The following PAX2 variants were observed in gnomAD, a reference collection of about 807,000 sequenced individuals.
The protein encoded by PAX2 is paired box 2.
In PAX2, 9 loss-of-function variants were observed where a neutral mutation model predicts 41.7. The observed-to-expected ratio is 0.22, with a 90% CI of 0.13 to 0.38. PAX2 has a LOEUF of 0.38. Ranked by LOEUF, PAX2 falls within the 10% of genes least tolerant of loss-of-function variation. The pLI is 1.00. For missense variants in PAX2, 418 were observed against 531.6 expected, an observed-to-expected ratio of 0.79 and a Z score of 2.10; for synonymous variants, 221 against 212.7, an observed-to-expected ratio of 1.04 and a Z score of -0.34.
chr10:100,777,487 C>T (rs1001598729), intron 3 of PAX2, among the ~76,000 whole-genome samples: 28 of 148,328 alleles, frequency 1.9e-4, no homozygotes, highest in African/African-American at 6.5e-4. Flanking sequence ...CTCCGCCTCC[C>T]GGGTTCAAGC....
Position 100,746,197 on chromosome 10 carries a change from GA to G in PAX2, c.-62del. 6.2e-7 allele frequency: 1 copy of G among 1,612,054 alleles called. No homozygotes were observed. Among genetic ancestry groups the G allele is most frequent in the Non-Finnish European group, 8.5e-7 (1 of 1,179,398 alleles). On this transcript the variant is annotated 5_prime_UTR_variant, in exon 1 of 10. Transcript: ENST00000355243. ...TCCCTCCCTTTTCTCCTCAAGTCCTGAAGTTGAGTTTGAGAGGCGACACGGC... is the reference window on the plus strand; with the variant it reads ...TCCCTCCCTTTTCTCCTCAAGTCCTGAGTTGAGTTTGAGAGGCGACACGGC...
rs1373204155 is a variant in PAX2 at position 100,791,307 on chromosome 10, C to T, written c.616+9942C>T. Among the ~76,000 whole-genome samples the T allele has an allele frequency of 2.0e-5, 3 of 152,254 alleles. No homozygotes were observed. The highest frequency in any genetic ancestry group is 7.2e-5 in the African/African-American group (3 of 41,534). ...TTACACCTTGCCCTTCTCTTTCTGC[C>T]CCAGGCTTCACCTTTTTCAGGAGGA... On this transcript the variant is annotated intron_variant, in intron 5 of 9. Coordinates refer to ENST00000355243, the MANE Select transcript of PAX2 (RefSeq NM_000278.5). The surrounding 1 kb of genome is among the most constrained non-coding windows in gnomAD (Gnocchi z 4.5).
In PAX2 at chr10:100,757,479, A is replaced by G. The variant is rs148996020; in HGVS notation, c.410+6588A>G. On this transcript the variant is annotated intron_variant, in intron 3 of 9. Coordinates refer to ENST00000355243, the MANE Select transcript of PAX2 (RefSeq NM_000278.5). ...AGAGGGGCTTTGCTACAATGATGCC[A>G]CAAGAGCTGTGCGACCAGCTGTCCA... Among the ~76,000 whole-genome samples, 27 of 152,386 alleles carry G rather than the reference A, an allele frequency of 1.8e-4. No individual in the cohort carries two copies. In the East Asian group the frequency reaches 4.8e-3, roughly 27 times the overall value.
intron 3 of PAX2, among the ~76,000 whole-genome samples, chr10:100,765,944 AT>A (rs1205998889): frequency 1.3e-5 from 2 of 149,444 alleles, no homozygotes; most frequent in African/African-American, 5.1e-5. Flanking sequence ...CATCATCATC[AT>A]CATAGTGGTT....
rs1219057995 is a variant in PAX2 at position 100,791,152 on chromosome 10, C to G, written c.616+9787C>G. On this transcript the variant is annotated intron_variant, in intron 5 of 9. Coordinates refer to ENST00000355243, the MANE Select transcript of PAX2 (RefSeq NM_000278.5). This position sits in a 1 kb window ranked among gnomAD's most constrained non-coding sequence, Gnocchi z 4.5. Reference sequence around the variant, plus strand: ...CCCCATGAAATGTCAGCATCCCCTCCCTCCCTGAGGCTCCGCCTGCCTGCT... The same window carrying G: ...CCCCATGAAATGTCAGCATCCCCTCGCTCCCTGAGGCTCCGCCTGCCTGCT... Among the ~76,000 whole-genome samples, 1 of 152,198 alleles carries G rather than the reference C, an allele frequency of 6.6e-6. No individual in the cohort carries two copies. The highest frequency in any genetic ancestry group is 1.5e-5 in the Non-Finnish European group (1 of 68,032).
chr10:100,765,808 C>A (rs749149977), intron 3 of PAX2, among the ~76,000 whole-genome samples: 3 of 152,014 alleles, frequency 2.0e-5, no homozygotes, highest in Non-Finnish European at 4.4e-5. Flanking sequence ...CACACATACA[C>A]CTCTTAATTT....
At chr10:100,802,621 C>T (rs1847604594) in intron 5 of PAX2, among the ~76,000 whole-genome samples, 2 of 152,192 alleles carry the variant, frequency 1.3e-5, no homozygotes, top group Non-Finnish European at 2.9e-5. Context: ...AGAGGTATGG[C>T]TTTGAATGCC....
In PAX2 at chr10:100,786,878, C is replaced by T. The variant is rs147444324; in HGVS notation, c.616+5513C>T. 3.0e-6 allele frequency: 3 copies of T among 1,012,598 alleles called. No homozygotes were observed. In the African/African-American group the frequency reaches 4.9e-5, roughly 17 times the overall value. 62.7% of individuals were successfully genotyped at this position (1,012,598 alleles called of 1,614,324 possible). On this transcript the variant is annotated intron_variant, in intron 5 of 9. Transcript: ENST00000355243. ...GGTCTCCCGATCTTGGGATCCTGCC[C>T]CCAATCTTCTGCCTGCCTGTCTTTC...
Position 100,748,191 on chromosome 10 carries a change from A to G in PAX2, c.44-1555A>G. ...CCGGGCCCTGAGCCCGGGGAGGCTG[A>G]ATTATTCATCTTTAATCTGCCCGCA... On this transcript the variant is annotated intron_variant, in intron 1 of 9. Coordinates refer to ENST00000355243, the MANE Select transcript of PAX2 (RefSeq NM_000278.5). This position sits in a 1 kb window ranked among gnomAD's most constrained non-coding sequence, Gnocchi z 5.0. 1.0e-6 allele frequency: 1 copy of G among 985,008 alleles called. No individual in the cohort carries two copies. The allele number at this position is 985,008 out of a possible 1,614,324, so 61.0% of individuals were successfully genotyped here. A position where few individuals can be genotyped will look rare whatever the true frequency, so the allele number is the denominator to read the frequency against.
chr10:100,790,618 C>T (rs1228442679), intron 5 of PAX2, among the ~76,000 whole-genome samples: 3 of 152,252 alleles, frequency 2.0e-5, no homozygotes, highest in Non-Finnish European at 2.9e-5. Flanking sequence ...GCCTCTTCCT[C>T]TGCAGACAAG....
chr10:100,812,339 C>G (rs952182193), intron 7 of PAX2, among the ~76,000 whole-genome samples: 1 of 152,262 alleles, frequency 6.6e-6, no homozygotes, highest in Non-Finnish European at 1.5e-5. Flanking sequence ...CATCTCTTCT[C>G]TCCAGCCCAC....
At chr10:100,746,392 C>T in intron 1 of PAX2, 89 bp downstream of exon 1, 1 of 910,596 alleles carries the variant, frequency 1.1e-6, no homozygotes, top group South Asian at 1.3e-5. Flanking sequence ...CCCTCGCGCT[C>T]AGGTCCCATC....
intron 7 of PAX2, among the ~76,000 whole-genome samples, chr10:100,818,724 A>T (rs945559052): frequency 6.6e-6 from 1 of 150,970 alleles, no homozygotes; most frequent in Non-Finnish European, 1.5e-5. Flanking sequence ...AAGAAACAAG[A>T]AGTGACAAGA....
chr10:100,758,229 C>T (rs1466861215), intron 3 of PAX2, among the ~76,000 whole-genome samples: 1 of 151,620 alleles, frequency 6.6e-6, no homozygotes, highest in Non-Finnish European at 1.5e-5. Flanking sequence ...CAAGCTCCGC[C>T]TCCCGGGTTC....
chr10:100,784,030 C>T (rs1846749006), intron 5 of PAX2, among the ~76,000 whole-genome samples: 1 of 152,162 alleles, frequency 6.6e-6, no homozygotes, highest in Non-Finnish European at 1.5e-5. Flanking sequence ...AATCCTGATC[C>T]ACCAGCCCCT....
At chr10:100,749,652 C>G (rs1444677215) in intron 1 of PAX2, 94 bp from the exon 2 acceptor site, 2 of 1,534,736 alleles carry the variant, frequency 1.3e-6, no homozygotes, top group Non-Finnish European at 1.8e-6. Flanking sequence ...TCCGCCCTGC[C>G]TGCTTCCTTC....
Position 100,748,210 on chromosome 10 carries a change from G to T in PAX2, c.44-1536G>T. 1.0e-6 allele frequency: 1 copy of T among 985,178 alleles called. No homozygotes were observed. The highest frequency in any genetic ancestry group is 1.7e-5 in the African/African-American group (1 of 57,306). 61.0% of individuals were successfully genotyped at this position (985,178 alleles called of 1,614,324 possible). ...AGGCTGAATTATTCATCTTTAATCT[G>T]CCCGCAGCTGCCGCCTTTTCATACC... On this transcript the variant is annotated intron_variant, in intron 1 of 9. Transcript: ENST00000355243. This position sits in a 1 kb window ranked among gnomAD's most constrained non-coding sequence, Gnocchi z 5.0.
chr10:100,745,862 C>CAGGTCCCATCT lies in PAX2; in HGVS notation c.-399_-398insAGGTCCCATCT. ...TCTGACCGCCCCCGCCCCGCGCGCT[C>CAGGTCCCATCT]TCCGACCACCGCCTCTCGGATGACC... On this transcript the variant is annotated 5_prime_UTR_variant, in exon 1 of 10. Transcript: ENST00000355243. 1 of 1,101,600 alleles carries CAGGTCCCATCT rather than the reference C, an allele frequency of 9.1e-7. No homozygotes were observed. The highest frequency in any genetic ancestry group is 1.1e-6 in the Non-Finnish European group (1 of 904,812). The allele number at this position is 1,101,600 out of a possible 1,614,324, so 68.2% of individuals were successfully genotyped here.
chr10:100,744,892 C>G (rs1429706216), upstream of PAX2, among the ~76,000 whole-genome samples: 1 of 152,106 alleles, frequency 6.6e-6, no homozygotes, highest in African/African-American at 2.4e-5. Context: ...TCGCGTGGAA[C>G]GGGAGGGGAC....
Sources: allele counts gnomAD v4.1 joint callset (sites outside exome capture counted in the v4.1 genomes callset), GRCh38; gene constraint gnomAD v4.1.1; non-coding constraint Gnocchi (gnomAD v3.1); transcripts MANE v1.5; gene names NCBI Gene and HGNC (gene_info 2026-07-23, HGNC 2026-07-21).